Variants in RGS13 observed in about 807,000 individuals in gnomAD.
RGS13 encodes the protein regulator of G-protein signalling 13.
In RGS13, 14 loss-of-function variants were observed where a neutral mutation model predicts 19.9. The ratio of observed to expected loss-of-function variants is 0.70; its 90% CI spans 0.46 to 1.10. The LOEUF is 1.10. Among genes scored for constraint, RGS13 ranks in the 50% least tolerant of loss-of-function variants. The pLI is 0.00. For synonymous variants in RGS13, 60 were observed against 56.8 expected (o/e 1.06, Z -0.25); for missense variants, 205 against 187.1 (o/e 1.10, Z -0.56).
intron 3 of RGS13, among the ~76,000 whole-genome samples, chr1:192,638,450 G>A (rs1311869209): frequency 6.6e-6 from 1 of 151,982 alleles, no homozygotes; most frequent in Non-Finnish European, 1.5e-5. Flanking sequence ...TTGTTTCAAT[G>A]TAGAGAGTGT....
At chr1:192,644,171 C>T (rs931314709) in intron 3 of RGS13, among the ~76,000 whole-genome samples, 160 bp from the exon 4 acceptor site, 1 of 152,006 alleles carries the variant, frequency 6.6e-6, no homozygotes, top group African/African-American at 2.4e-5. Context: ...ATTTTATTCT[C>T]CTCTCTCCTC....
chr1:192,653,244 A>G (rs1326314049), intron 5 of RGS13, among the ~76,000 whole-genome samples: 1 of 152,094 alleles, frequency 6.6e-6, no homozygotes, highest in Non-Finnish European at 1.5e-5. Flanking sequence ...AAAAAAAGAA[A>G]TGGTCAGTAA....
At chr1:192,638,339 A>G (rs1663048740) in intron 3 of RGS13, 136 bp downstream of exon 3, 1 of 151,874 alleles carries the variant, frequency 6.6e-6, no homozygotes, top group African/African-American at 2.4e-5. Context: ...TTCCTTTACT[A>G]TAATATTATT....
chr1:192,641,877 G>C (rs916537200), intron 3 of RGS13, among the ~76,000 whole-genome samples: 1 of 151,952 alleles, frequency 6.6e-6, no homozygotes, highest in Non-Finnish European at 1.5e-5. Flanking sequence ...GTTCTCTTCT[G>C]TCTCACCTTA....
At chr1:192,643,634 T>G (rs1207024465) in intron 3 of RGS13, among the ~76,000 whole-genome samples, 1 of 152,166 alleles carries the variant, frequency 6.6e-6, no homozygotes, top group Non-Finnish European at 1.5e-5. Context: ...TCTTTTTTAA[T>G]ACATTGAGAG....
intron 3 of RGS13, among the ~76,000 whole-genome samples, chr1:192,638,816 C>G (rs907388575): frequency 1.3e-5 from 2 of 152,024 alleles, no homozygotes; most frequent in Non-Finnish European, 2.9e-5. Flanking sequence ...ATCATTGATG[C>G]TTTTATGACA....
chr1:192,644,383 A>C lies in RGS13; in HGVS notation c.49A>C (p.Lys17Gln), dbSNP rs758756803. ...WICKMCRDES[K>Q]RPPSNLTLEE... ...TTGTAAGATGTGCAGAGATGAATCT[A>C]AGAGGCCCCCTTCAAAGTAAGTAGC... Residue 17 changes from lysine (K) to glutamine (Q), a missense_variant, in exon 4 of 7, where the codon AAG (lysine) becomes CAG (glutamine). Lys to Gln is a moderately conservative substitution (Grantham distance 53). Transcript: ENST00000391995. 1 of 1,611,328 alleles carries C rather than the reference A, an allele frequency of 6.2e-7. No homozygotes were observed. Among genetic ancestry groups the C allele is most frequent in the South Asian group, 1.1e-5 (1 of 90,638 alleles).
chr1:192,647,922 A>T lies in RGS13; in HGVS notation c.66-4A>T, dbSNP rs1328028856. On this transcript the variant is annotated splice_region_variant and splice_polypyrimidine_tract_variant and intron_variant, in intron 4 of 6. Coordinates refer to ENST00000391995, the MANE Select transcript of RGS13 (RefSeq NM_002927.5). ...CAATCAGTGCTTTTTGTTTCTTTTC[A>T]AAGCCTTACTTTGGAGGAAGTATTA... is the stretch of plus-strand genomic sequence containing the variant. 7.6e-6 allele frequency: 12 copies of T among 1,581,816 alleles called. No individual in the cohort carries two copies. Among genetic ancestry groups the T allele is most frequent in the Non-Finnish European group, 1.0e-5 (12 of 1,163,046 alleles).
chr1:192,651,536 C>T (rs1055700163), intron 5 of RGS13, among the ~76,000 whole-genome samples: 1 of 151,904 alleles, frequency 6.6e-6, no homozygotes, highest in South Asian at 2.1e-4. Flanking sequence ...GGGGAAGAAA[C>T]TGATGACACA....
At chr1:192,639,297 T>C (rs1182427297) in intron 3 of RGS13, among the ~76,000 whole-genome samples, 1 of 152,022 alleles carries the variant, frequency 6.6e-6, no homozygotes, top group African/African-American at 2.4e-5. Flanking sequence ...GGCTGGGCTG[T>C]CCTCTTGTCC....
chr1:192,636,581 T>G (rs1663022943), intron 1 of RGS13, among the ~76,000 whole-genome samples: 1 of 152,038 alleles, frequency 6.6e-6, no homozygotes, highest in Non-Finnish European at 1.5e-5. Flanking sequence ...TATTATTTCA[T>G]TTTATGTTTT....
Position 192,659,557 on chromosome 1 carries a change from A to T in RGS13, c.*34A>T. 1 of 1,471,100 alleles carries T rather than the reference A, an allele frequency of 6.8e-7. No individual in the cohort carries two copies. Among genetic ancestry groups the T allele is most frequent in the Non-Finnish European group, 9.3e-7 (1 of 1,073,004 alleles). 91.1% of individuals were successfully genotyped at this position (1,471,100 alleles called of 1,614,324 possible). A position where few individuals can be genotyped will look rare whatever the true frequency, so the allele number is the denominator to read the frequency against. On this transcript the variant is annotated 3_prime_UTR_variant, in exon 7 of 7. Transcript: ENST00000391995. ...CAAAAGTTTAAATAGAAAACAGTAT[A>T]TTGAAAGTGGTGGGTTTGATCTTTT...
intron 6 of RGS13, chr1:192,658,921 A>G (rs535366050): frequency 3.1e-5 from 5 of 159,848 alleles, no homozygotes; most frequent in Non-Finnish European, 5.4e-5. Context: ...TTTTCTTCCC[A>G]TTTCAGAGCA....
intron 1 of RGS13, among the ~76,000 whole-genome samples, chr1:192,637,176 GA>G (rs891274587): frequency 9.2e-5 from 14 of 151,782 alleles, no homozygotes; most frequent in African/African-American, 3.4e-4. Context: ...ATTATCAGGA[GA>G]AAACAGTGGA....
chr1:192,638,732 C>T (rs1168241988), intron 3 of RGS13, among the ~76,000 whole-genome samples: 1 of 152,028 alleles, frequency 6.6e-6, no homozygotes, highest in African/African-American at 2.4e-5. Flanking sequence ...TGCATAACAA[C>T]TCTTAGGGTC....
intron 4 of RGS13, 21 bp from the exon 5 acceptor site, chr1:192,647,905 G>A: frequency 6.4e-7 from 1 of 1,561,780 alleles, no homozygotes; most frequent in Non-Finnish European, 8.7e-7. Flanking sequence ...CCCAATCAGT[G>A]CTTTTTGTTT....
intron 5 of RGS13, among the ~76,000 whole-genome samples, chr1:192,655,239 G>C (rs553188391): frequency 2.0e-4 from 31 of 152,232 alleles, no homozygotes; most frequent in Middle Eastern, 6.8e-3. Context: ...ATTCTGTAAA[G>C]TATGCCAATC....
chr1:192,656,144 T>C (rs1264704467), intron 5 of RGS13, among the ~76,000 whole-genome samples: 1 of 152,046 alleles, frequency 6.6e-6, no homozygotes, highest in Non-Finnish European at 1.5e-5. Context: ...TAGAATCTAA[T>C]ATTAGTTTCC....
rs182080704 is a variant in RGS13 at position 192,658,650 on chromosome 1, A to G, written c.294+283A>G. The G allele has an allele frequency of 7.7e-5, 23 of 296,956 alleles. 1 individual carries two copies. Among genetic ancestry groups the G allele is most frequent in the African/African-American group, 4.5e-4 (21 of 46,192 alleles). The allele number at this position is 296,956 out of a possible 1,614,324, so 18.4% of individuals were successfully genotyped here. On this transcript the variant is annotated intron_variant, in intron 6 of 6. Coordinates refer to ENST00000391995, the MANE Select transcript of RGS13 (RefSeq NM_002927.5). ...ATCTTGATTTCTAGGAAACTTAAAAAGAAAAAAAGGAGTCTGTGGCGAAAG... is the reference window on the plus strand; with the variant it reads ...ATCTTGATTTCTAGGAAACTTAAAAGGAAAAAAAGGAGTCTGTGGCGAAAG...
Sources: gnomAD v4.1 joint callset for allele counts (sites outside exome capture counted in the v4.1 genomes callset) on GRCh38, gnomAD v4.1.1 for gene constraint, MANE v1.5 for transcripts, NCBI Gene and HGNC (gene_info 2026-07-23, HGNC 2026-07-21) for gene names.